Variants in NOVA1 observed in about 807,000 individuals in gnomAD.
NOVA1 encodes RNA-binding protein Nova-1.
A neutral mutation model predicts 38.0 loss-of-function variants in NOVA1; 7 were observed. The ratio of observed to expected loss-of-function variants is 0.18; its 90% CI spans 0.10 to 0.35. NOVA1 has a LOEUF of 0.35. Among genes scored for constraint, NOVA1 ranks in the 10% least tolerant of loss-of-function variants. NOVA1 has a pLI of 1.00. For synonymous variants in NOVA1, 270 were observed against 232.5 expected (o/e 1.16, Z -1.47); for missense variants, 460 against 616.0 (o/e 0.75, Z 2.68).
chr14:26,519,096 A>T (rs181853439), intron 2 of NOVA1: 10 of 152,242 alleles, frequency 6.6e-5, no homozygotes, highest in Admixed American at 6.5e-4. Context: ...AATGGAAAAC[A>T]TTTACTCAAA....
At chr14:26,596,543 C>T (rs1894203175) in intron 1 of NOVA1, 1 of 1,288,906 alleles carries the variant, frequency 7.8e-7, no homozygotes. Flanking sequence ...CCCCATCCGT[C>T]TACAATGCAT....
At chr14:26,450,028 T>A (rs1882515012) in intron 4 of NOVA1, among the ~76,000 whole-genome samples, 1 of 152,110 alleles carries the variant, frequency 6.6e-6, no homozygotes. Context: ...TAATGACACA[T>A]ATGACAATGT....
At chr14:26,535,010 A>G (rs1889968750) in intron 2 of NOVA1, among the ~76,000 whole-genome samples, 1 of 152,208 alleles carries the variant, frequency 6.6e-6, no homozygotes, top group Non-Finnish European at 1.5e-5. Flanking sequence ...CAGAACTGAA[A>G]CAGAATAAAT....
At chr14:26,501,686 G>T (rs556149169) in intron 2 of NOVA1, among the ~76,000 whole-genome samples, 11 of 151,592 alleles carry the variant, frequency 7.3e-5, no homozygotes, top group Admixed American at 1.3e-4. Context: ...TTTTTGTTTT[G>T]AAAGTTCCGC....
In NOVA1 at chr14:26,581,223, G is replaced by C. The variant is rs532011184; in HGVS notation, c.280+14187C>G. The stretch of plus-strand genomic sequence containing the variant: ...CGTCGTACTTCCACAGAGGCGTTAA[G>C]AAGTACTGAACTGATGTGATAATTG... On this transcript the variant is annotated intron_variant, in intron 2 of 4. Transcript: ENST00000539517. Among the ~76,000 whole-genome samples, 3 of 152,190 alleles carry C rather than the reference G, an allele frequency of 2.0e-5. No homozygotes were observed. The South Asian group carries it at 6.2e-4, about 32-fold the overall frequency.
At chr14:26,486,729 A>G (rs1343887484) in intron 2 of NOVA1, among the ~76,000 whole-genome samples, 1 of 136,906 alleles carries the variant, frequency 7.3e-6, no homozygotes, top group Non-Finnish European at 1.6e-5. Flanking sequence ...AAAGCCAAAC[A>G]AACAAAAAAA....
intron 4 of NOVA1, among the ~76,000 whole-genome samples, chr14:26,467,016 A>G (rs892820145): frequency 3.3e-5 from 5 of 152,208 alleles, no homozygotes; most frequent in Non-Finnish European, 5.9e-5. Flanking sequence ...ATGGACTAAG[A>G]TAACAGTACA....
chr14:26,561,060 T>C (rs146972158), intron 2 of NOVA1, among the ~76,000 whole-genome samples: 2,063 of 152,240 alleles, frequency 0.014, 48 homozygotes, highest in African/African-American at 0.047. Context: ...ATAAGGAGTG[T>C]GCAACCTAGA....
At chr14:26,581,870 T>C (rs1245919899) in intron 2 of NOVA1, among the ~76,000 whole-genome samples, 1 of 151,880 alleles carries the variant, frequency 6.6e-6, no homozygotes, top group Non-Finnish European at 1.5e-5. Flanking sequence ...ACTTGACATA[T>C]CACAAATAAT....
At chr14:26,528,812 T>C (rs1034799558) in intron 2 of NOVA1, among the ~76,000 whole-genome samples, 2 of 152,220 alleles carry the variant, frequency 1.3e-5, no homozygotes, top group Non-Finnish European at 1.5e-5. Flanking sequence ...TGTGGTCTTC[T>C]TCTAATACTT....
At chr14:26,581,229 C>A (rs1893202672) in intron 2 of NOVA1, among the ~76,000 whole-genome samples, 1 of 152,024 alleles carries the variant, frequency 6.6e-6, no homozygotes, top group African/African-American at 2.4e-5. Context: ...TTAAGAAGTA[C>A]TGAACTGATG....
chr14:26,468,588 A>T (rs558329030), intron 4 of NOVA1, among the ~76,000 whole-genome samples: 44 of 152,324 alleles, frequency 2.9e-4, no homozygotes, highest in Middle Eastern at 6.8e-3. Flanking sequence ...TTGAAAAGAG[A>T]GGAGAGGTTG....
At chr14:26,594,220 C>T (rs914904167) in intron 2 of NOVA1, 1 of 151,844 alleles carries the variant, frequency 6.6e-6, no homozygotes, top group South Asian at 2.1e-4. Flanking sequence ...TTAATGTTTA[C>T]AAAAAATACT....
chr14:26,581,993 A>G (rs1052993376), intron 2 of NOVA1, among the ~76,000 whole-genome samples: 17 of 151,904 alleles, frequency 1.1e-4, no homozygotes, highest in African/African-American at 4.1e-4. Context: ...TCATTAAGCC[A>G]TAACTGATCA....
chr14:26,497,140 T>C (rs1424092335), intron 2 of NOVA1, among the ~76,000 whole-genome samples: 2 of 152,144 alleles, frequency 1.3e-5, no homozygotes, highest in African/African-American at 4.8e-5. Flanking sequence ...CAAGCATTCT[T>C]ATACACCAAT....
chr14:26,565,057 A>G (rs1892051928), intron 2 of NOVA1, among the ~76,000 whole-genome samples: 1 of 152,156 alleles, frequency 6.6e-6, no homozygotes, highest in South Asian at 2.1e-4. Context: ...GTACAAGATA[A>G]AACTTAAGAG....
chr14:26,449,293 T>C (rs1882416683), intron 4 of NOVA1, among the ~76,000 whole-genome samples: 1 of 152,160 alleles, frequency 6.6e-6, no homozygotes, highest in South Asian at 2.1e-4. Flanking sequence ...AACATTTTTA[T>C]ATAGCTCCAA....
chr14:26,578,491 T>C (rs1054818103), intron 2 of NOVA1, among the ~76,000 whole-genome samples: 3 of 151,874 alleles, frequency 2.0e-5, no homozygotes, highest in Non-Finnish European at 2.9e-5. Flanking sequence ...TGGAATGGAA[T>C]GGAATATAGA....
chr14:26,537,525 C>T (rs1473063110), intron 2 of NOVA1, among the ~76,000 whole-genome samples: 4 of 151,760 alleles, frequency 2.6e-5, no homozygotes, highest in Non-Finnish European at 5.9e-5. Flanking sequence ...AAGCCATAAG[C>T]AAAAATGAGA....
Sources: allele counts gnomAD v4.1 joint callset (sites outside exome capture counted in the v4.1 genomes callset), GRCh38; gene constraint gnomAD v4.1.1; transcripts MANE v1.5; gene names NCBI Gene and HGNC (gene_info 2026-07-23, HGNC 2026-07-21).